The following CCDC171 variants were observed in gnomAD, a reference collection of about 807,000 sequenced individuals.
CCDC171 encodes the protein coiled-coil domain-containing protein 171.
In CCDC171, 177 loss-of-function variants were observed where a neutral mutation model predicts 168.2. The ratio of observed to expected loss-of-function variants is 1.05; its 90% confidence interval spans 0.93 to 1.19. The LOEUF (loss-of-function observed/expected upper bound fraction) is 1.19, where lower values mean the gene tolerates loss of function less well. Among genes scored for constraint, CCDC171 ranks in the 50% most tolerant of loss-of-function variants. The pLI, the probability that CCDC171 is intolerant of heterozygous loss-of-function variation, is 0.00. For synonymous variants in CCDC171, 687 were observed against 540.8 expected, an observed-to-expected ratio of 1.27 and a Z score of -3.75; for missense variants, 1,991 against 1,539.0, an observed-to-expected ratio of 1.29 and a Z score of -4.91.
intron 20 of CCDC171, among the ~76,000 whole-genome samples, chr9:15,779,637 GGT>G (rs2057553426): frequency 1.3e-5 from 2 of 152,160 alleles, no homozygotes; most frequent in African/African-American, 4.8e-5. Flanking sequence ...TGGGATTACA[GGT>G]GTGAGCCACT....
intron 10 of CCDC171, among the ~76,000 whole-genome samples, chr9:15,683,423 T>G (rs2050170867): frequency 6.6e-6 from 1 of 151,924 alleles, no homozygotes; most frequent in African/African-American, 2.4e-5. Context: ...TTGTAGGAGG[T>G]TTTCAAAACT....
intron 25 of CCDC171, among the ~76,000 whole-genome samples, chr9:15,968,272 C>T (rs1830998179): frequency 6.6e-6 from 1 of 152,088 alleles, no homozygotes; most frequent in Non-Finnish European, 1.5e-5. Flanking sequence ...AGACAGAACA[C>T]CTCAGCAGTT....
chr9:15,915,695 G>C (rs1185375087), intron 24 of CCDC171, among the ~76,000 whole-genome samples: 1 of 152,128 alleles, frequency 6.6e-6, no homozygotes, highest in Non-Finnish European at 1.5e-5. Flanking sequence ...TCTTGTTCCA[G>C]TTCTTAGAAT....
At position 15,860,601 on chromosome 9, in the gene CCDC171, A is replaced by G. The variant is rs2061517529; in HGVS notation, c.3468+11654A>G. On this transcript the variant is annotated intron_variant, in intron 23 of 25. Coordinates refer to ENST00000380701, the MANE Select transcript of CCDC171 (RefSeq NM_173550.4). ...ACTTTGTTTCTGGTTTCATTTCATT[A>G]TAGTCAGAAAAGAAACTTGGTATGA... Among the ~76,000 whole-genome samples, 5 of 152,056 alleles carry G rather than the reference A, an allele frequency of 3.3e-5. No homozygotes were observed. In the South Asian group the frequency reaches 1.0e-3, roughly 31 times the overall value.
chr9:15,591,127 A>G (rs533319584), intron 4 of CCDC171, among the ~76,000 whole-genome samples: 1 of 152,228 alleles, frequency 6.6e-6, no homozygotes, highest in South Asian at 2.1e-4. Context: ...TAGCAAAATC[A>G]TCATTGTCTG....
intron 24 of CCDC171, chr9:15,888,983 G>T (rs1413591589): frequency 2.0e-5 from 2 of 102,368 alleles, no homozygotes; most frequent in African/African-American, 6.6e-5. Context: ...TTTGAGACAG[G>T]GTCTTACTTC....
intron 16 of CCDC171, among the ~76,000 whole-genome samples, chr9:15,735,739 T>G (rs1347539582): frequency 6.6e-6 from 1 of 152,078 alleles, no homozygotes; most frequent in Non-Finnish European, 1.5e-5. Context: ...TTGTTGGAGG[T>G]GATAATTCCT....
intron 24 of CCDC171, among the ~76,000 whole-genome samples, chr9:15,902,674 G>A (rs554344274): frequency 9.2e-5 from 14 of 152,264 alleles, no homozygotes; most frequent in African/African-American, 2.2e-4. Context: ...GGCGAGTGTT[G>A]GAAAGTGGGT....
At chr9:15,902,857 C>T (rs1821914463) in intron 24 of CCDC171, among the ~76,000 whole-genome samples, 1 of 152,212 alleles carries the variant, frequency 6.6e-6, no homozygotes, top group Non-Finnish European at 1.5e-5. Flanking sequence ...TTCCAACAGT[C>T]TTAGCAAATG....
chr9:15,826,530 C>T (rs1281532436), intron 21 of CCDC171, among the ~76,000 whole-genome samples: 2 of 152,054 alleles, frequency 1.3e-5, no homozygotes, highest in Admixed American at 6.6e-5. Context: ...ATGGCTTCTG[C>T]CTGATTTTCT....
At chr9:16,050,998 T>C (rs1251928563) in intron 1 of CCDC171, among the ~76,000 whole-genome samples, 1 of 152,260 alleles carries the variant, frequency 6.6e-6, no homozygotes, top group African/African-American at 2.4e-5. Context: ...TACTCATGAC[T>C]GTAGTTAGTA....
rs2053503688 is a variant in CCDC171 at position 15,721,859 on chromosome 9, A to C, written c.1409A>C (p.Glu470Ala). The change falls in exon 12 of 26, where the codon GAA becomes GCA. Residue 470 changes from glutamate (E) to alanine (A), a missense_variant. Glu to Ala is a moderately radical substitution (Grantham distance 107). Coordinates refer to ENST00000380701, the MANE Select transcript of CCDC171 (RefSeq NM_173550.4). ...TTGACAGATTACCAGAACAAGCTGG[A>C]AGATGCATCTAATGAGGTAACACTT... is the stretch of plus-strand genomic sequence containing the variant. ...RTLTDYQNKL[E>A]DASNEEKACN... 6.5e-7 allele frequency: 1 copy of C among 1,547,916 alleles called. No homozygotes were observed. The highest frequency in any genetic ancestry group is 1.9e-5 in the Admixed American group (1 of 53,936).
At chr9:15,747,651 G>C (rs1164902539) in intron 18 of CCDC171, among the ~76,000 whole-genome samples, 1 of 152,218 alleles carries the variant, frequency 6.6e-6, no homozygotes, top group Non-Finnish European at 1.5e-5. Context: ...CAGATCTGCA[G>C]CTGAGGAGCC....
At chr9:15,932,582 C>G (rs1186224735) in intron 25 of CCDC171, among the ~76,000 whole-genome samples, 3 of 151,868 alleles carry the variant, frequency 2.0e-5, no homozygotes, top group Non-Finnish European at 4.4e-5. Flanking sequence ...TCCTCCTTTC[C>G]AATTTAGATA....
chr9:15,666,295 G>C lies in CCDC171; in HGVS notation c.1048G>C (p.Ala350Pro). The C allele has an allele frequency of 6.2e-7, 1 of 1,609,724 alleles. No individual in the cohort carries two copies. Among genetic ancestry groups the C allele is most frequent in the Non-Finnish European group, 8.5e-7 (1 of 1,178,316 alleles). The change falls in exon 9 of 26, where the codon GCA (alanine) becomes CCA (proline). Residue 350 changes from alanine (A) to proline (P), a missense_variant. Coordinates refer to ENST00000380701, the MANE Select transcript of CCDC171 (RefSeq NM_173550.4). ...TGCATATGAGCGAGAAAAGCATAAT[G>C]CACAAGAGAGCTTTGCAAAACTAAA... Reference protein sequence around the residue: ...ESAYEREKHNAQESFAKLNLL... With the variant: ...ESAYEREKHNPQESFAKLNLL...
At chr9:15,862,479 G>A (rs2061602551) in intron 23 of CCDC171, among the ~76,000 whole-genome samples, 1 of 151,740 alleles carries the variant, frequency 6.6e-6, no homozygotes, top group Non-Finnish European at 1.5e-5. Flanking sequence ...TCATTTTTAT[G>A]ACAGTATTTT....
chr9:15,712,197 A>G (rs1348389685), intron 11 of CCDC171, among the ~76,000 whole-genome samples: 1 of 152,216 alleles, frequency 6.6e-6, no homozygotes, highest in African/African-American at 2.4e-5. Context: ...AGGGAGGGCA[A>G]TCTGCCAATT....
downstream of CCDC171, among the ~76,000 whole-genome samples, chr9:15,975,389 T>C (rs546026355): frequency 1.3e-5 from 2 of 152,210 alleles, no homozygotes; most frequent in Admixed American, 1.3e-4. Flanking sequence ...AAATTTTTTT[T>C]AATTGTCCTG....
At chr9:15,798,383 A>G (rs2135735311) in intron 21 of CCDC171, among the ~76,000 whole-genome samples, 2 of 151,692 alleles carry the variant, frequency 1.3e-5, no homozygotes, top group Admixed American at 1.3e-4. Context: ...AACTTATTCT[A>G]TTTTTTGTAA....
Sources: gnomAD v4.1 joint callset for allele counts (sites outside exome capture counted in the v4.1 genomes callset) on GRCh38, gnomAD v4.1.1 for gene constraint, MANE v1.5 for transcripts, NCBI Gene and HGNC (gene_info 2026-07-23, HGNC 2026-07-21) for gene names.